The following COBLL1 variants were observed in gnomAD, a reference collection of about 807,000 sequenced individuals.
COBLL1 encodes the protein cordon-bleu WH2 repeat protein like 1, also known as cordon-bleu protein-like 1.
COBLL1 carries 50 observed loss-of-function variants against 94.8 expected under a neutral mutation model. The ratio of observed to expected loss-of-function variants is 0.53; its 90% CI spans 0.42 to 0.67. The LOEUF (loss-of-function observed/expected upper bound fraction) is 0.67. COBLL1 is among the 30% of genes least tolerant of loss of function. COBLL1 has a pLI of 0.00. For missense variants in COBLL1, 1,362 were observed against 1,348.7 expected (o/e 1.01, Z -0.15); for synonymous variants, 448 against 473.8 (o/e 0.95, Z 0.71).
chr2:164,707,745 C>T (rs1298289066), intron 7 of COBLL1, among the ~76,000 whole-genome samples: 2 of 152,024 alleles, frequency 1.3e-5, no homozygotes, highest in Non-Finnish European at 2.9e-5. Context: ...AAATAAAAGA[C>T]CTTGACATAC....
chr2:164,766,993 G>GTTTA (rs1426798169), intron 2 of COBLL1, among the ~76,000 whole-genome samples: 1 of 152,146 alleles, frequency 6.6e-6, no homozygotes, highest in Non-Finnish European at 1.5e-5. Context: ...CAGATCAATG[G>GTTTA]TTTGGTATAA....
downstream of COBLL1, among the ~76,000 whole-genome samples, chr2:164,676,691 C>T (rs73968212): frequency 3.5e-3 from 525 of 151,342 alleles, 4 homozygotes; most frequent in African/African-American, 0.012. Flanking sequence ...TTTTTTTTCC[C>T]CCCCTTTTTC....
intron 7 of COBLL1, among the ~76,000 whole-genome samples, chr2:164,705,840 C>T (rs1034457025): frequency 1.3e-5 from 2 of 152,154 alleles, no homozygotes; most frequent in African/African-American, 2.4e-5. Context: ...TCGAGACCAG[C>T]CTGGCCAACG....
rs1198021488 is a variant in COBLL1, at chr2:164,841,560, C to T, written c.-51+150G>A. The T allele has an allele frequency of 4.5e-6, 3 of 663,230 alleles. No homozygotes were observed. The highest frequency in any genetic ancestry group is 1.9e-5 in the African/African-American group (1 of 52,254). The allele number at this position is 663,230 out of a possible 1,614,324, so 41.1% of individuals were successfully genotyped here. A position where few individuals can be genotyped will look rare whatever the true frequency, so the allele number is the denominator to read the frequency against. ...GCCGGGGCTGGAAAAGGAGGAGGAGCGGGGCCGGGCGCACGGGCACCGCTG... is the reference window on the plus strand; with the variant it reads ...GCCGGGGCTGGAAAAGGAGGAGGAGTGGGGCCGGGCGCACGGGCACCGCTG... On this transcript the variant is annotated intron_variant, in intron 1 of 13. Coordinates refer to ENST00000652658, the MANE Select transcript of COBLL1 (RefSeq NM_001365672.2). This position sits in a 1 kb window ranked among gnomAD's most constrained non-coding sequence, Gnocchi z 5.5.
At chr2:164,673,298 G>A (rs769452627) in intron 1 of COBLL1, among the ~76,000 whole-genome samples, 1 of 152,200 alleles carries the variant, frequency 6.6e-6, no homozygotes, top group Non-Finnish European at 1.5e-5. Context: ...AGGCGCAATG[G>A]AGAGGGGGGC....
intron 2 of COBLL1, among the ~76,000 whole-genome samples, chr2:164,783,679 C>A (rs558661815): frequency 6.6e-6 from 1 of 152,076 alleles, no homozygotes; most frequent in South Asian, 2.1e-4. Context: ...TTAAAACCAT[C>A]ACACTGGCCA....
chr2:164,724,326 A>T (rs1339076645), intron 5 of COBLL1: 2 of 152,144 alleles, frequency 1.3e-5, no homozygotes, highest in African/African-American at 4.8e-5. Context: ...CTTGCCAAAA[A>T]ATCTCTCGCC....
intron 1 of COBLL1, among the ~76,000 whole-genome samples, chr2:164,670,546 C>T (rs1218577654): frequency 1.3e-5 from 2 of 152,190 alleles, no homozygotes; most frequent in East Asian, 1.9e-4. Context: ...CAAAGAAGTT[C>T]TGTTATGGCT....
In COBLL1 at chr2:164,700,508, CAG is replaced by C. The variant is rs1235381388; in HGVS notation, c.1460+12_1460+13del. The C allele has an allele frequency of 1.3e-6, 2 of 1,553,862 alleles. No homozygotes were observed. The highest frequency in any genetic ancestry group is 3.4e-5 in the Admixed American group (2 of 59,318). ...ACTAACGGCCACCAACACTCCAGCA[CAG>C]AGACTACTTACTGTCCATCTGTGCT... is the stretch of plus-strand genomic sequence containing the variant. On this transcript the variant is annotated intron_variant, in intron 10 of 13. Transcript: ENST00000652658.
chr2:164,776,513 T>C (rs990600036), intron 2 of COBLL1, among the ~76,000 whole-genome samples: 5 of 152,172 alleles, frequency 3.3e-5, no homozygotes, highest in African/African-American at 1.2e-4. Context: ...TACGGTAGCA[T>C]ACCAATTGCT....
At chr2:164,788,359 C>T (rs1326321459) in intron 2 of COBLL1, among the ~76,000 whole-genome samples, 1 of 151,984 alleles carries the variant, frequency 6.6e-6, no homozygotes, top group Non-Finnish European at 1.5e-5. Context: ...TATCATAAGG[C>T]CTAGGTTCAA....
chr2:164,671,364 A>G (rs1691238586), intron 1 of COBLL1, among the ~76,000 whole-genome samples: 1 of 152,268 alleles, frequency 6.6e-6, no homozygotes, highest in East Asian at 1.9e-4. Context: ...TGCTCAGGAT[A>G]GTGTTTGCTA....
chr2:164,795,920 G>C (rs1454026887), intron 2 of COBLL1, among the ~76,000 whole-genome samples: 1 of 152,190 alleles, frequency 6.6e-6, no homozygotes, highest in Non-Finnish European at 1.5e-5. Flanking sequence ...TTAGAAAGCA[G>C]CACTGATACT....
intron 2 of COBLL1, among the ~76,000 whole-genome samples, chr2:164,838,781 CTTCA>C (rs965772774): frequency 2.0e-5 from 3 of 152,168 alleles, no homozygotes; most frequent in South Asian, 2.1e-4. Flanking sequence ...CTAAACTAGG[CTTCA>C]TTGTCTATTA....
chr2:164,791,599 C>T (rs1014550085), intron 2 of COBLL1, among the ~76,000 whole-genome samples: 3 of 152,174 alleles, frequency 2.0e-5, no homozygotes, highest in Non-Finnish European at 2.9e-5. Flanking sequence ...GCCTGAATTA[C>T]AGAGGCGAAA....
At chr2:164,797,968 C>A (rs1683557012) in intron 2 of COBLL1, among the ~76,000 whole-genome samples, 1 of 152,194 alleles carries the variant, frequency 6.6e-6, no homozygotes, top group Non-Finnish European at 1.5e-5. Flanking sequence ...TTAAAACTTA[C>A]ATTGAAAAGA....
intron 2 of COBLL1, among the ~76,000 whole-genome samples, chr2:164,757,079 T>A (rs1363678701): frequency 1.3e-5 from 2 of 152,156 alleles, no homozygotes; most frequent in Non-Finnish European, 2.9e-5. Context: ...AGATTCTGAT[T>A]TAATTGGTTT....
chr2:164,712,978 T>TGCCAAA (rs1684979516), intron 7 of COBLL1, among the ~76,000 whole-genome samples: 2 of 152,146 alleles, frequency 1.3e-5, no homozygotes, highest in African/African-American at 4.8e-5. Flanking sequence ...TTTTGGCTTG[T>TGCCAAA]ATTGTATGAA....
intron 2 of COBLL1, among the ~76,000 whole-genome samples, chr2:164,785,693 C>T (rs755502603): frequency 2.0e-5 from 3 of 151,998 alleles, no homozygotes; most frequent in Non-Finnish European, 4.4e-5. Context: ...CAAAAATAAA[C>T]TTTATACCAA....
Sources: gnomAD v4.1 joint callset for allele counts (sites outside exome capture counted in the v4.1 genomes callset) on GRCh38, gnomAD v4.1.1 for gene constraint, Gnocchi (gnomAD v3.1) non-coding constraint, MANE v1.5 for transcripts, NCBI Gene and HGNC (gene_info 2026-07-23, HGNC 2026-07-21) for gene names.